The following ADAMTSL2 variants were observed in gnomAD, a reference collection of about 807,000 sequenced individuals.
ADAMTSL2 encodes ADAMTS-like protein 2.
In ADAMTSL2, 55 loss-of-function variants were observed where a neutral mutation model predicts 117.0. The ratio of observed to expected loss-of-function variants is 0.47; its 90% CI spans 0.38 to 0.59. The LOEUF is 0.59. Ranked by LOEUF, ADAMTSL2 falls within the 20% of genes least tolerant of loss-of-function variation. The probability of loss-of-function intolerance (pLI) is 0.00; values close to 1 mark genes in which losing one functional copy is unlikely to be tolerated. For synonymous variants in ADAMTSL2, 572 were observed against 566.4 expected, an observed-to-expected ratio of 1.01 and a Z score of -0.14; for missense variants, 1,182 against 1,354.5, an observed-to-expected ratio of 0.87 and a Z score of 2.00.
At position 133,568,474 on chromosome 9, in the gene ADAMTSL2, G is replaced by C. The variant is rs1409021497; in HGVS notation, c.2076G>C (p.Ser692=). 3 of 1,603,976 alleles carry C rather than the reference G, an allele frequency of 1.9e-6. No homozygotes were observed. Among genetic ancestry groups the C allele is most frequent in the Non-Finnish European group, 2.6e-6 (3 of 1,176,230 alleles). The change falls in exon 14 of 19, where the codon TCG becomes TCC. Residue 692 remains serine, a synonymous_variant. Coordinates refer to ENST00000651351, the MANE Select transcript of ADAMTSL2 (RefSeq NM_014694.4). ...NPACGPQWEM[S]EWSECTAKCG... is the part of the protein sequence containing the mutation. ...CCTGCGGGCCCCAGTGGGAGATGTC[G>C]GAGTGGTCCGAGGTGAGTGCCTGCG...
intron 4 of ADAMTSL2, 148 bp downstream of exon 4, chr9:133,538,572 G>C (rs1299816072): frequency 1.2e-6 from 1 of 865,960 alleles, no homozygotes; most frequent in East Asian, 2.6e-5. Flanking sequence ...GGTTGAGAAG[G>C]CTGCGGGGGG....
intron 4 of ADAMTSL2, 107 bp from the exon 5 acceptor site, chr9:133,539,664 G>GGCTGTCCCGGCTGTCCCT: frequency 1.8e-6 from 2 of 1,128,992 alleles, no homozygotes; most frequent in Non-Finnish European, 1.3e-6. Context: ...CGGCTGTCCC[G>GGCTGTCCCGGCTGTCCCT]GCTGTCCCGG....
At chr9:133,572,327 CCCAGGGGAGGCCTGGGCAGAG>C (rs1475566987) in intron 17 of ADAMTSL2, among the ~76,000 whole-genome samples, 3 of 152,170 alleles carry the variant, frequency 2.0e-5, no homozygotes, top group Non-Finnish European at 4.4e-5. Flanking sequence ...CCTGGGGCTT[CCCAGGGGAGGCCTGGGCAGAG>C]CCAGGGCCTG....
Position 133,568,016 on chromosome 9 carries a change from G to A in ADAMTSL2, c.1875-257G>A, listed in dbSNP as rs1425858330. ...TGTGTGACACAGCAGGGCACGAAGG[G>A]GCAGGAAGGCCGAGCCCACGCTCAG... is the stretch of plus-strand genomic sequence containing the variant. On this transcript the variant is annotated intron_variant, in intron 13 of 18. Transcript: ENST00000651351. 3.3e-5 allele frequency among the ~76,000 whole-genome samples: 5 copies of A among 152,350 alleles called. No homozygotes were observed. The East Asian group carries it at 5.8e-4, about 18-fold the overall frequency.
chr9:133,555,945 C>T lies in ADAMTSL2; in HGVS notation c.1649+15C>T. ...CACAAGGCCAGGTAGGAGGCACTTT[C>T]CTGAGCCCTGTCCAGGGCCCTCAGG... On this transcript the variant is annotated intron_variant, in intron 11 of 18. Coordinates refer to ENST00000651351, the MANE Select transcript of ADAMTSL2 (RefSeq NM_014694.4). 1 of 1,608,176 alleles carries T rather than the reference C, an allele frequency of 6.2e-7. No individual in the cohort carries two copies. The highest frequency in any genetic ancestry group is 2.2e-5 in the East Asian group (1 of 44,876).
At chr9:133,574,341 G>T (rs1049726497) in intron 18 of ADAMTSL2, among the ~76,000 whole-genome samples, 2 of 152,210 alleles carry the variant, frequency 1.3e-5, no homozygotes, top group Non-Finnish European at 2.9e-5. Flanking sequence ...TGGCACACAG[G>T]GGGCAGGGAG....
At chr9:133,547,798 T>C (rs975335383) in intron 9 of ADAMTSL2, among the ~76,000 whole-genome samples, 6 of 152,176 alleles carry the variant, frequency 3.9e-5, no homozygotes, top group African/African-American at 1.4e-4. Context: ...GCCCCTCCCC[T>C]GACATGGCCT....
At chr9:133,563,950 A>G (rs1485886502) in intron 12 of ADAMTSL2, among the ~76,000 whole-genome samples, 12 of 19,948 alleles carry the variant, frequency 6.0e-4, no homozygotes, top group Non-Finnish European at 8.3e-4. Context: ...AGAGAGAGAG[A>G]GAGAGAGGGA....
chr9:133,540,618 AGCAAACCGTGTGACCT>A lies in ADAMTSL2; in HGVS notation c.437_452del (p.Lys146ThrfsTer66). ...ACCAGATGACTATGTCCACATCTCC[AGCAAACCGTGTGACCT>A]GCACTGTACCACCGTGGACGGCCAG... On this transcript the variant is annotated frameshift_variant, in exon 6 of 19. Coordinates refer to ENST00000651351, the MANE Select transcript of ADAMTSL2 (RefSeq NM_014694.4). LOFTEE classifies it high-confidence loss of function. 1.9e-6 allele frequency: 3 copies of A among 1,613,624 alleles called. No individual in the cohort carries two copies. Among genetic ancestry groups the A allele is most frequent in the Non-Finnish European group, 2.5e-6 (3 of 1,180,034 alleles).
Position 133,568,352 on chromosome 9 carries a change from AT to A in ADAMTSL2, c.1955del (p.Met652SerfsTer56). On this transcript the variant is annotated frameshift_variant, in exon 14 of 19. Coordinates refer to ENST00000651351, the MANE Select transcript of ADAMTSL2 (RefSeq NM_014694.4). LOFTEE classifies it high-confidence loss of function. ...GTTCCGCGTCGTGCGCTGCTGGAAGATGCTCTCGCCCGGCTTCGACAGCTCC... is the reference window on the plus strand; with the variant it reads ...GTTCCGCGTCGTGCGCTGCTGGAAGAGCTCTCGCCCGGCTTCGACAGCTCC... ...YQFRVVRCWKMLSPGFDSSVY... is the reference protein window; with the variant it reads ...YQFRVVRCWKXLSPGFDSSVY... 1 of 1,593,924 alleles carries A rather than the reference AT, an allele frequency of 6.3e-7. No individual in the cohort carries two copies. The highest frequency in any genetic ancestry group is 2.3e-5 in the East Asian group (1 of 43,902).
At chr9:133,537,282 G>T in intron 2 of ADAMTSL2, 123 bp from the exon 3 acceptor site, 1 of 1,111,608 alleles carries the variant, frequency 9.0e-7, no homozygotes, top group South Asian at 3.4e-5. Context: ...CTGCAAGGGG[G>T]CCCAGCCAGG....
intron 4 of ADAMTSL2, among the ~76,000 whole-genome samples, chr9:133,539,137 T>C (rs888303193): frequency 6.6e-6 from 1 of 152,022 alleles, no homozygotes; most frequent in Non-Finnish European, 1.5e-5. Context: ...GGGAGGCAGG[T>C]GGCCACCGCT....
Position 133,554,973 on chromosome 9 carries a change from C to G in ADAMTSL2, c.1276+280C>G, listed in dbSNP as rs1260689296. ...GGCTTGGCCAAGTCATGCAGTCCAC[C>G]GTGGAGGAGCTGGGAGTCAAATGCA... is the stretch of plus-strand genomic sequence containing the variant. On this transcript the variant is annotated intron_variant, in intron 10 of 18. Transcript: ENST00000651351. The surrounding 1 kb of genome is among the most constrained non-coding windows in gnomAD (Gnocchi z 5.2). Among the ~76,000 whole-genome samples the G allele has an allele frequency of 2.0e-5, 3 of 152,104 alleles. No homozygotes were observed. The highest frequency in any genetic ancestry group is 2.1e-4 in the South Asian group (1 of 4,820).
Position 133,555,577 on chromosome 9 carries a change from T to A in ADAMTSL2, c.1296T>A (p.Thr432=). ...KGFRDRNVTG[T]PLTGDKDDEE... ...CTCCAGACCGCAACGTCACGGGGAC[T>A]CCTCTCACCGGGGACAAGGATGACG... is the stretch of plus-strand genomic sequence containing the variant. Residue 432 remains threonine, a synonymous_variant, in exon 11 of 19, where the codon ACT becomes ACA. Coordinates refer to ENST00000651351, the MANE Select transcript of ADAMTSL2 (RefSeq NM_014694.4). 1 of 1,613,100 alleles carries A rather than the reference T, an allele frequency of 6.2e-7. No homozygotes were observed. Among genetic ancestry groups the A allele is most frequent in the Non-Finnish European group, 8.5e-7 (1 of 1,180,024 alleles).
intron 12 of ADAMTSL2, among the ~76,000 whole-genome samples, chr9:133,563,822 A>G (rs1588301871): frequency 2.6e-5 from 1 of 38,440 alleles, no homozygotes; most frequent in East Asian, 2.7e-4. Context: ...AAAGGGGGAG[A>G]GAGAGAGAGA....
chr9:133,568,416 G>T lies in ADAMTSL2; in HGVS notation c.2018G>T (p.Arg673Leu). ...SDLCEAAEAV[R>L]PEERKTCRNP... ...CTGTGCGAGGCAGCCGAGGCCGTGC[G>T]GCCCGAGGAACGCAAGACCTGCCGG... The change falls in exon 14 of 19, where the codon CGG becomes CTG. Residue 673 changes from arginine (R) to leucine (L), a missense_variant. Around this residue, in one of 3 missense-constraint regions of ADAMTSL2, gnomAD observed 465 missense variants for 565.3 expected, o/e 0.82. Coordinates refer to ENST00000651351, the MANE Select transcript of ADAMTSL2 (RefSeq NM_014694.4). The T allele has an allele frequency of 2.5e-6, 4 of 1,608,618 alleles. No individual in the cohort carries two copies. Among genetic ancestry groups the T allele is most frequent in the Non-Finnish European group, 3.4e-6 (4 of 1,178,372 alleles).
At chr9:133,565,768 G>A (rs1830956573) in intron 12 of ADAMTSL2, among the ~76,000 whole-genome samples, 1 of 152,142 alleles carries the variant, frequency 6.6e-6, no homozygotes, top group African/African-American at 2.4e-5. Context: ...CCTTCTGGGG[G>A]AACTGGCAGC....
chr9:133,536,526 G>A, intron 1 of ADAMTSL2, 37 bp from the exon 2 acceptor site: 8 of 1,526,172 alleles, frequency 5.2e-6, no homozygotes, highest in Non-Finnish European at 6.2e-6. Flanking sequence ...TTCTTGCTAA[G>A]CCTAGACTGA....
intron 11 of ADAMTSL2, among the ~76,000 whole-genome samples, chr9:133,556,489 A>C (rs942883013): frequency 6.6e-6 from 1 of 152,190 alleles, no homozygotes; most frequent in Non-Finnish European, 1.5e-5. Flanking sequence ...CTCAGTCCCA[A>C]GCCTCAGCAA....
Sources: allele counts gnomAD v4.1 joint callset (sites outside exome capture counted in the v4.1 genomes callset), GRCh38; gene constraint gnomAD v4.1.1; regional missense constraint gnomAD v4.1.1; non-coding constraint Gnocchi (gnomAD v3.1); transcripts MANE v1.5; gene names NCBI Gene and HGNC (gene_info 2026-07-23, HGNC 2026-07-21).